HTR1F: variants seen among roughly 807,000 people sequenced by gnomAD.
HTR1F encodes the protein 5-hydroxytryptamine receptor 1F.
Under a neutral mutation model 24.0 loss-of-function variants are expected in HTR1F, and 17 were observed. The observed-to-expected ratio is 0.71, with a 90% CI of 0.48 to 1.06. HTR1F has a LOEUF of 1.06. HTR1F is among the 50% of genes least tolerant of loss of function. HTR1F has a pLI of 0.00. For missense variants in HTR1F, 391 were observed against 427.8 expected (o/e 0.91, Z 0.76); for synonymous variants, 186 against 156.8 (o/e 1.19, Z -1.39).
chr3:87,799,050 C>T (rs1475939065), intron 1 of HTR1F, among the ~76,000 whole-genome samples: 2 of 152,126 alleles, frequency 1.3e-5, no homozygotes, highest in South Asian at 2.1e-4. Flanking sequence ...TGTCATTTCT[C>T]CCCAAGGGAA....
chr3:87,933,558 T>C (rs980088319), intron 2 of HTR1F, among the ~76,000 whole-genome samples: 4 of 149,052 alleles, frequency 2.7e-5, no homozygotes, highest in Non-Finnish European at 6.0e-5. Flanking sequence ...TATACACCAA[T>C]AACAGACAAA....
intron 2 of HTR1F, among the ~76,000 whole-genome samples, chr3:87,838,217 A>T (rs1201514202): frequency 6.6e-6 from 1 of 152,172 alleles, no homozygotes; most frequent in Non-Finnish European, 1.5e-5. Flanking sequence ...GAATTGATGC[A>T]GGAAGTGGCT....
At chr3:87,988,322 A>C (rs1378400094) in intron 2 of HTR1F, among the ~76,000 whole-genome samples, 2 of 151,706 alleles carry the variant, frequency 1.3e-5, no homozygotes, top group Non-Finnish European at 2.9e-5. Context: ...AAAAAAAAAA[A>C]CAGAAAGGCA....
At chr3:87,990,574 A>G in intron 2 of HTR1F, 134 bp from the exon 3 acceptor site, 1 of 538,526 alleles carries the variant, frequency 1.9e-6, no homozygotes, top group Non-Finnish European at 3.2e-6. Flanking sequence ...AAAACCTTCA[A>G]TCTGAACCTC....
chr3:87,956,757 T>A (rs1320070246), intron 2 of HTR1F, among the ~76,000 whole-genome samples: 1 of 151,366 alleles, frequency 6.6e-6, no homozygotes, highest in African/African-American at 2.4e-5. Context: ...ATATGACTTT[T>A]TAAAAATTCA....
At chr3:87,850,878 C>T (rs1475226138) in intron 2 of HTR1F, among the ~76,000 whole-genome samples, 1 of 150,328 alleles carries the variant, frequency 6.7e-6, no homozygotes, top group Non-Finnish European at 1.5e-5. Context: ...TTGCTCTCTT[C>T]TGGAATTAGG....
rs1305048892 is a variant in HTR1F, at chr3:87,992,386, A to G, written c.*536A>G. On this transcript the variant is annotated 3_prime_UTR_variant, in exon 3 of 3. Transcript: ENST00000319595. ...AACTCTTACTTAGTGTGACTGCAGA[A>G]AATGTAAAAAAGTCAGAGCTTGAAA... 6.0e-6 allele frequency: 1 copy of G among 167,080 alleles called. No homozygotes were observed. The highest frequency in any genetic ancestry group is 1.9e-4 in the East Asian group (1 of 5,206). 10.3% of individuals were successfully genotyped at this position (167,080 alleles called of 1,614,324 possible).
intron 2 of HTR1F, among the ~76,000 whole-genome samples, chr3:87,973,749 T>C (rs1162295045): frequency 6.6e-6 from 1 of 152,234 alleles, no homozygotes; most frequent in African/African-American, 2.4e-5. Context: ...ACACATGCCC[T>C]ACTAAACTAA....
At chr3:87,794,898 A>G (rs1264043571) in intron 1 of HTR1F, among the ~76,000 whole-genome samples, 2 of 151,868 alleles carry the variant, frequency 1.3e-5, no homozygotes, top group Non-Finnish European at 2.9e-5. Context: ...TTAAAATTAT[A>G]CACATACTTT....
At chr3:87,923,864 C>T (rs999457253) in intron 2 of HTR1F, among the ~76,000 whole-genome samples, 1 of 151,720 alleles carries the variant, frequency 6.6e-6, no homozygotes, top group African/African-American at 2.4e-5. Flanking sequence ...TGGTGTATAC[C>T]ATTTTTGAAG....
At chr3:87,879,406 T>A (rs1386163790) in intron 2 of HTR1F, among the ~76,000 whole-genome samples, 2 of 152,210 alleles carry the variant, frequency 1.3e-5, no homozygotes, top group Non-Finnish European at 2.9e-5. Context: ...TACAGGTTAT[T>A]AACCCATTAC....
At chr3:87,942,340 T>A (rs1209035781) in intron 2 of HTR1F, among the ~76,000 whole-genome samples, 1 of 152,112 alleles carries the variant, frequency 6.6e-6, no homozygotes, top group Non-Finnish European at 1.5e-5. Flanking sequence ...AGGACAGTTG[T>A]CCGGGACAGG....
At chr3:87,880,189 T>A (rs192528261) in intron 2 of HTR1F, among the ~76,000 whole-genome samples, 93 of 152,266 alleles carry the variant, frequency 6.1e-4, no homozygotes, top group Middle Eastern at 3.4e-3. Context: ...AATGATGGAC[T>A]GAAAAGGGGC....
At chr3:87,941,394 G>T (rs745518748) in intron 2 of HTR1F, among the ~76,000 whole-genome samples, 1 of 152,084 alleles carries the variant, frequency 6.6e-6, no homozygotes, top group Non-Finnish European at 1.5e-5. Flanking sequence ...GGGTAATTTT[G>T]GCCCTAAGTA....
chr3:87,842,568 A>C (rs958593420), intron 2 of HTR1F, among the ~76,000 whole-genome samples: 5 of 151,968 alleles, frequency 3.3e-5, no homozygotes, highest in Non-Finnish European at 7.3e-5. Flanking sequence ...TCAATAAAAT[A>C]ATTTCCTGGG....
chr3:87,972,858 C>G (rs7635318), intron 2 of HTR1F, among the ~76,000 whole-genome samples: 13,988 of 84,670 alleles, frequency 0.17, 677 homozygotes, highest in South Asian at 0.27. Flanking sequence ...GTCTCATTGT[C>G]TCACATCTCA....
chr3:87,810,969 A>C (rs2107096553), intron 1 of HTR1F, among the ~76,000 whole-genome samples: 1 of 152,270 alleles, frequency 6.6e-6, no homozygotes, highest in Middle Eastern at 3.4e-3. Context: ...GAATATTAAA[A>C]CTTTCTATTG....
At chr3:87,861,350 G>A (rs933275087) in intron 2 of HTR1F, among the ~76,000 whole-genome samples, 1 of 152,002 alleles carries the variant, frequency 6.6e-6, no homozygotes, top group Non-Finnish European at 1.5e-5. Flanking sequence ...TTTGAATACA[G>A]CCTAAATAAT....
chr3:87,937,014 G>T (rs758089677), intron 2 of HTR1F, among the ~76,000 whole-genome samples: 1 of 147,834 alleles, frequency 6.8e-6, no homozygotes, highest in African/African-American at 2.5e-5. Flanking sequence ...TCCCAGAACC[G>T]GATAGATCCA....
Sources: gnomAD v4.1 joint callset for allele counts (sites outside exome capture counted in the v4.1 genomes callset) on GRCh38, gnomAD v4.1.1 for gene constraint, MANE v1.5 for transcripts, NCBI Gene and HGNC (gene_info 2026-07-23, HGNC 2026-07-21) for gene names.